LONRF2: variants seen among roughly 807,000 people sequenced by gnomAD.
LONRF2 encodes the protein LON peptidase N-terminal domain and ring finger 2.
In LONRF2, 35 loss-of-function variants were observed where a neutral mutation model predicts 66.6. The ratio of observed to expected loss-of-function variants is 0.53; its 90% CI spans 0.40 to 0.70. The LOEUF is 0.70. Among genes scored for constraint, LONRF2 ranks in the 30% least tolerant of loss-of-function variants. The pLI is 0.00. For synonymous variants in LONRF2, 417 were observed against 418.1 expected, an observed-to-expected ratio of 1.00 and a Z score of 0.03; for missense variants, 902 against 1,002.1, an observed-to-expected ratio of 0.90 and a Z score of 1.35.
At position 100,299,387 on chromosome 2, in the gene LONRF2, T is replaced by C. The variant is rs538852789; in HGVS notation, c.1268-68A>G. 11 of 947,002 alleles carry C rather than the reference T, an allele frequency of 1.2e-5. No homozygotes were observed. The Admixed American group carries it at 2.7e-4, about 23-fold the overall frequency. The allele number at this position is 947,002 out of a possible 1,614,324, so 58.7% of individuals were successfully genotyped here. ...CACCTGAACAACAGCATGCAAGAAATGTATTTTCTCTGGACCAAACGTGTT... is the reference window on the plus strand; with the variant it reads ...CACCTGAACAACAGCATGCAAGAAACGTATTTTCTCTGGACCAAACGTGTT... On this transcript the variant is annotated intron_variant, in intron 5 of 11. Coordinates refer to ENST00000393437, the MANE Select transcript of LONRF2 (RefSeq NM_198461.4).
intron 9 of LONRF2, 108 bp downstream of exon 9, chr2:100,294,121 C>A (rs373420084): frequency 6.9e-6 from 9 of 1,308,252 alleles, no homozygotes; most frequent in Non-Finnish European, 9.6e-6. Context: ...TGTTACGTAA[C>A]GGGAGCCACT....
chr2:100,313,182 G>A (rs1675441984), intron 1 of LONRF2, among the ~76,000 whole-genome samples: 1 of 152,160 alleles, frequency 6.6e-6, no homozygotes, highest in South Asian at 2.1e-4. Flanking sequence ...GAGAAATGGA[G>A]GATTACATGT....
At chr2:100,292,059 A>C (rs902042838) in intron 9 of LONRF2, among the ~76,000 whole-genome samples, 1 of 152,192 alleles carries the variant, frequency 6.6e-6, no homozygotes, top group African/African-American at 2.4e-5. Context: ...CCCCAAACTA[A>C]AGAGCAGCGA....
At position 100,295,560 on chromosome 2, in the gene LONRF2, CA is replaced by C. The variant is rs750441906; in HGVS notation, c.1477-8del. On this transcript the variant is annotated splice_polypyrimidine_tract_variant and splice_region_variant and intron_variant, in intron 7 of 11. Coordinates refer to ENST00000393437, the MANE Select transcript of LONRF2 (RefSeq NM_198461.4). ...AGTTTCTGCTTGCCAATAACTGTAACAAAAAAAAGTCAAATGATACTGTATG... is the reference window on the plus strand; with the variant it reads ...AGTTTCTGCTTGCCAATAACTGTAACAAAAAAAGTCAAATGATACTGTATG... 23 of 1,602,758 alleles carry C rather than the reference CA, an allele frequency of 1.4e-5. No individual in the cohort carries two copies. Among genetic ancestry groups the C allele is most frequent in the South Asian group, 2.2e-5 (2 of 89,244 alleles).
Position 100,321,759 on chromosome 2 carries a change from G to A in LONRF2, c.335C>T (p.Pro112Leu). The A allele has an allele frequency of 9.6e-7, 1 of 1,045,284 alleles. No homozygotes were observed. The allele number at this position is 1,045,284 out of a possible 1,614,324, so 64.8% of individuals were successfully genotyped here. ...LVRAVGLRDRPLSAENPGGEP... is the reference protein window; with the variant it reads ...LVRAVGLRDRLLSAENPGGEP... ...GCCGCCCGGGTTCTCCGCGGACAGC[G>A]GCCGGTCGCGCAGGCCCACGGCGCG... Residue 112 changes from proline (P) to leucine (L), a missense_variant, in exon 1 of 12, where the codon CCG becomes CTG. Pro to Leu is a moderately conservative substitution (Grantham distance 98). Around this residue, in one of 2 missense-constraint regions of LONRF2, gnomAD observed 585 missense variants for 569.9 expected, o/e 1.03. Transcript: ENST00000393437.
chr2:100,284,497 A>C lies in LONRF2; in HGVS notation c.2071-5T>G, dbSNP rs1461158797. The C allele has an allele frequency of 6.4e-7, 1 of 1,556,762 alleles. No homozygotes were observed. Among genetic ancestry groups the C allele is most frequent in the Middle Eastern group, 1.8e-4 (1 of 5,412 alleles). ...GGCAGGGCCGCTGGGATTACTCTGC[A>C]AAAGAGATGAGGGGAAAGCAAGGTT... On this transcript the variant is annotated splice_polypyrimidine_tract_variant and splice_region_variant and intron_variant, in intron 11 of 11. Transcript: ENST00000393437.
intron 6 of LONRF2, 68 bp from the exon 7 acceptor site, chr2:100,299,018 TG>T (rs1675125914): frequency 1.6e-6 from 2 of 1,255,820 alleles, no homozygotes; most frequent in Non-Finnish European, 2.3e-6. Flanking sequence ...GACTGGTTTT[TG>T]AAGGATTCCT....
Position 100,286,939 on chromosome 2 carries a change from A to T in LONRF2, c.2045T>A (p.Met682Lys). The change falls in exon 11 of 12, where the codon ATG (methionine) becomes AAG (lysine). Residue 682 changes from methionine to lysine, a missense_variant. By Grantham distance (95) the Met-to-Lys change is moderately conservative. Transcript: ENST00000393437. ...KEQILSHFGV[M>K]PDREPEPQSN... ...CTGAGGCTCAGGTTCTCTGTCTGGC[A>T]TTACCCCAAAATGACTTAAAATTTG... 6.2e-7 allele frequency: 1 copy of T among 1,614,086 alleles called. No homozygotes were observed. The highest frequency in any genetic ancestry group is 8.5e-7 in the Non-Finnish European group (1 of 1,179,972).
At chr2:100,319,185 GA>G (rs1255984355) in intron 1 of LONRF2, among the ~76,000 whole-genome samples, 1 of 150,840 alleles carries the variant, frequency 6.6e-6, no homozygotes, top group Non-Finnish European at 1.5e-5. Context: ...AAACATCTGT[GA>G]ACTTTTTTTT....
chr2:100,303,012 C>A lies in LONRF2; in HGVS notation c.830G>T (p.Gly277Val). The change falls in exon 3 of 12, where the codon GGA becomes GTA. Residue 277 changes from glycine to valine, a missense_variant. Coordinates refer to ENST00000393437, the MANE Select transcript of LONRF2 (RefSeq NM_198461.4). ...TAACACTTCCTTACTTCTTCCCAATCCAGAAAGAGCCTGAGCTTTTACTTG... is the reference window on the plus strand; with the variant it reads ...TAACACTTCCTTACTTCTTCCCAATACAGAAAGAGCCTGAGCTTTTACTTG... ...GHQVKAQALS[G>V]LGRSKEVLKE... is the part of the protein sequence containing the mutation. The A allele has an allele frequency of 6.2e-7, 1 of 1,609,200 alleles. No individual in the cohort carries two copies. The highest frequency in any genetic ancestry group is 8.5e-7 in the Non-Finnish European group (1 of 1,177,348).
At chr2:100,304,685 A>C (rs1162811413) in intron 2 of LONRF2, among the ~76,000 whole-genome samples, 1 of 135,920 alleles carries the variant, frequency 7.4e-6, no homozygotes, top group Non-Finnish European at 1.5e-5. Flanking sequence ...GTGCAGTGGT[A>C]CAATCATGGC....
intron 1 of LONRF2, among the ~76,000 whole-genome samples, chr2:100,316,685 T>G (rs1267150824): frequency 2.0e-5 from 3 of 152,238 alleles, no homozygotes; most frequent in Non-Finnish European, 2.9e-5. Context: ...AGTAGTTGTA[T>G]GTAGTGACAC....
chr2:100,299,029 T>A, intron 6 of LONRF2, 79 bp from the exon 7 acceptor site: 2 of 1,111,118 alleles, frequency 1.8e-6, no homozygotes, highest in Non-Finnish European at 2.8e-6. Context: ...GAAGGATTCC[T>A]TATGCAATCC....
chr2:100,311,387 C>T (rs1358801400), intron 1 of LONRF2, among the ~76,000 whole-genome samples: 1 of 151,710 alleles, frequency 6.6e-6, no homozygotes, highest in Non-Finnish European at 1.5e-5. Flanking sequence ...AAAAAATGTG[C>T]TCCTGGAAGT....
At chr2:100,306,583 C>T (rs1675295321) in intron 2 of LONRF2, among the ~76,000 whole-genome samples, 1 of 152,188 alleles carries the variant, frequency 6.6e-6, no homozygotes, top group Non-Finnish European at 1.5e-5. Flanking sequence ...AATGGATTAT[C>T]TCCAGTTGCT....
At chr2:100,303,139 G>T in intron 2 of LONRF2, 96 bp from the exon 3 acceptor site, 1 of 1,249,640 alleles carries the variant, frequency 8.0e-7, no homozygotes, top group Non-Finnish European at 1.1e-6. Flanking sequence ...AGAACAATTT[G>T]TTTTAATTTC....
chr2:100,289,942 A>G (rs925190872), intron 10 of LONRF2, among the ~76,000 whole-genome samples: 1 of 152,064 alleles, frequency 6.6e-6, no homozygotes, highest in Non-Finnish European at 1.5e-5. Context: ...TGTTTCAACG[A>G]CAAACAAAAT....
chr2:100,279,339 T>C lies in LONRF2; in HGVS notation c.*4959A>G, dbSNP rs1674665585. On this transcript the variant is annotated 3_prime_UTR_variant, in exon 12 of 12. Transcript: ENST00000393437. ...TGTTAGAGACCCCCCCCCCGCAAACTGCAGAACTACATTCTTGACTAATGC... is the reference window on the plus strand; with the variant it reads ...TGTTAGAGACCCCCCCCCCGCAAACCGCAGAACTACATTCTTGACTAATGC... 7.0e-6 allele frequency: 1 copy of C among 143,462 alleles called. No homozygotes were observed. Among genetic ancestry groups the C allele is most frequent in the South Asian group, 2.4e-4 (1 of 4,198 alleles). The allele number at this position is 143,462 out of a possible 1,614,324, so 8.9% of individuals were successfully genotyped here. A position where few individuals can be genotyped will look rare whatever the true frequency, so the allele number is the denominator to read the frequency against.
chr2:100,315,348 C>G (rs903878034), intron 1 of LONRF2, among the ~76,000 whole-genome samples: 4 of 152,180 alleles, frequency 2.6e-5, no homozygotes, highest in Non-Finnish European at 5.9e-5. Flanking sequence ...ATAGTTCCTA[C>G]ATTCTTCTGG....
Sources: gnomAD v4.1 joint callset for allele counts (sites outside exome capture counted in the v4.1 genomes callset) on GRCh38, gnomAD v4.1.1 for gene constraint, gnomAD v4.1.1 regional missense constraint, MANE v1.5 for transcripts, NCBI Gene and HGNC (gene_info 2026-07-23, HGNC 2026-07-21) for gene names.